Variants in GRIN2B observed in about 807,000 individuals in gnomAD.
GRIN2B encodes the protein glutamate ionotropic receptor NMDA type subunit 2B.
GRIN2B carries 5 observed loss-of-function variants against 114.5 expected under a neutral mutation model. The observed-to-expected ratio is 0.04, with a 90% confidence interval of 0.02 to 0.09. GRIN2B has a LOEUF of 0.09. Among genes scored for constraint, GRIN2B ranks in the 10% least tolerant of loss-of-function variants. The probability of loss-of-function intolerance (pLI) is 1.00; values close to 1 mark genes in which losing one functional copy is unlikely to be tolerated. For synonymous variants in GRIN2B, 787 were observed against 745.1 expected (o/e 1.06, Z -0.92); for missense variants, 1,108 against 1,943.5 (o/e 0.57, Z 8.08).
At chr12:13,705,795 T>TA (rs2136573899) in intron 4 of GRIN2B, among the ~76,000 whole-genome samples, 1 of 152,258 alleles carries the variant, frequency 6.6e-6, no homozygotes, top group East Asian at 1.9e-4. Context: ...CTAAAGACAT[T>TA]AAAATAAACC....
At chr12:13,717,066 C>CGTGTGTGT (rs56360153) in intron 4 of GRIN2B, among the ~76,000 whole-genome samples, 17,136 of 145,866 alleles carry the variant, frequency 0.12, 1,192 homozygotes, top group Non-Finnish European at 0.16. Flanking sequence ...ATGCCATACG[C>CGTGTGTGT]GTGTGTGTGT....
intron 4 of GRIN2B, among the ~76,000 whole-genome samples, chr12:13,742,817 G>A (rs1478391524): frequency 1.3e-5 from 2 of 152,192 alleles, no homozygotes; most frequent in Non-Finnish European, 2.9e-5. Flanking sequence ...TGTTGCTAGT[G>A]TGGCCATTGA....
At chr12:13,958,025 T>C (rs1489047276) in intron 2 of GRIN2B, among the ~76,000 whole-genome samples, 2 of 152,210 alleles carry the variant, frequency 1.3e-5, no homozygotes, top group African/African-American at 4.8e-5. Context: ...GCTATCACAT[T>C]GGACAGTAAA....
intron 3 of GRIN2B, among the ~76,000 whole-genome samples, chr12:13,842,913 T>C (rs1865402085): frequency 7.9e-6 from 1 of 126,106 alleles, no homozygotes; most frequent in African/African-American, 3.3e-5. Flanking sequence ...GAAGATTGGT[T>C]TTTCTTTTTT....
Position 13,700,620 on chromosome 12 carries a change from C to T in GRIN2B, c.1011-24761G>A, listed in dbSNP as rs185437046. On this transcript the variant is annotated intron_variant, in intron 4 of 13. Transcript: ENST00000609686. Reference sequence around the variant, plus strand: ...GGAAGAGAATTGAGTCCTGGTGACTCCCAGGTGACAGCTAGTACCAGTCTA... The same window carrying T: ...GGAAGAGAATTGAGTCCTGGTGACTTCCAGGTGACAGCTAGTACCAGTCTA... 2.8e-4 allele frequency among the ~76,000 whole-genome samples: 42 copies of T among 152,252 alleles called. No homozygotes were observed. The East Asian group carries it at 3.5e-3, about 13-fold the overall frequency.
chr12:13,675,565 C>T (rs1280132064), intron 5 of GRIN2B, among the ~76,000 whole-genome samples, 180 bp downstream of exon 5: 2 of 152,052 alleles, frequency 1.3e-5, no homozygotes, highest in African/African-American at 4.8e-5. Flanking sequence ...CTTGATTAAC[C>T]AAAATAGCAA....
In GRIN2B at chr12:13,926,809, C is replaced by T. The variant is rs187579864; in HGVS notation, c.-19+53119G>A. Among the ~76,000 whole-genome samples the T allele has an allele frequency of 2.4e-3, 368 of 152,086 alleles. 1 individual carries two copies. The highest frequency in any genetic ancestry group is 4.5e-3 in the Admixed American group (69 of 15,272). On this transcript the variant is annotated intron_variant, in intron 2 of 13. Transcript: ENST00000609686. ...TCTACTAAAAATACAAAAAATTAGC[C>T]GGGTATGGTGGCAGGCGCCTGTAGT...
chr12:13,762,773 G>T (rs1863703708), intron 3 of GRIN2B, among the ~76,000 whole-genome samples: 1 of 152,176 alleles, frequency 6.6e-6, no homozygotes, highest in Non-Finnish European at 1.5e-5. Context: ...GAGAGACTAG[G>T]CATGGCTGAG....
intron 10 of GRIN2B, among the ~76,000 whole-genome samples, chr12:13,599,536 G>C (rs1949125400): frequency 6.6e-6 from 1 of 152,194 alleles, no homozygotes; most frequent in Non-Finnish European, 1.5e-5. Context: ...GTTCAGAAGT[G>C]AAACATTAAT....
chr12:13,656,774 T>C (rs544837860), intron 5 of GRIN2B, among the ~76,000 whole-genome samples: 9 of 152,306 alleles, frequency 5.9e-5, no homozygotes, highest in African/African-American at 1.4e-4. Context: ...AAATACGCCA[T>C]AGTCAGAACA....
intron 3 of GRIN2B, among the ~76,000 whole-genome samples, chr12:13,828,050 A>AT (rs913437959): frequency 2.0e-5 from 3 of 151,678 alleles, no homozygotes; most frequent in Non-Finnish European, 2.9e-5. Flanking sequence ...TGTTTCTACC[A>AT]TTTTTTTCTT....
At chr12:13,798,007 T>G (rs1232108250) in intron 3 of GRIN2B, among the ~76,000 whole-genome samples, 1 of 152,222 alleles carries the variant, frequency 6.6e-6, no homozygotes, top group East Asian at 1.9e-4. Context: ...AAGTCAATCT[T>G]TAAGTCACAA....
intron 2 of GRIN2B, among the ~76,000 whole-genome samples, chr12:13,921,642 A>G (rs1866826053): frequency 6.6e-6 from 1 of 152,040 alleles, no homozygotes; most frequent in South Asian, 2.1e-4. Flanking sequence ...GTACAGCAGT[A>G]TTGGGGAGGT....
intron 2 of GRIN2B, among the ~76,000 whole-genome samples, chr12:13,973,934 T>C (rs886387542): frequency 1.3e-5 from 2 of 152,270 alleles, no homozygotes; most frequent in African/African-American, 4.8e-5. Context: ...TGACTGAAGG[T>C]GTCTCCCCAG....
At chr12:13,785,948 G>T (rs116713148) in intron 3 of GRIN2B, among the ~76,000 whole-genome samples, 119 of 152,232 alleles carry the variant, frequency 7.8e-4, no homozygotes, top group African/African-American at 2.8e-3. Flanking sequence ...CATATTTATG[G>T]AAATAAACTA....
chr12:13,546,976 T>C lies in GRIN2B; in HGVS notation c.*15807A>G, dbSNP rs567243573. 5 of 152,286 alleles carry C rather than the reference T, an allele frequency of 3.3e-5. No individual in the cohort carries two copies. In the East Asian group the frequency reaches 9.7e-4, roughly 29 times the overall value. The allele number at this position is 152,286 out of a possible 1,614,324, so 9.4% of individuals were successfully genotyped here. On this transcript the variant is annotated 3_prime_UTR_variant, in exon 14 of 14. Coordinates refer to ENST00000609686, the MANE Select transcript of GRIN2B (RefSeq NM_000834.5). ...CACTATCCCAGCACTTGATCTTGAG[T>C]TGAAGCACTCAGGAACAAGACCTCA...
chr12:13,822,976 A>G (rs1665688135), intron 3 of GRIN2B, among the ~76,000 whole-genome samples: 2 of 152,042 alleles, frequency 1.3e-5, no homozygotes, highest in African/African-American at 4.8e-5. Context: ...TGGCATTTTT[A>G]TTGAAAACCA....
At chr12:13,778,711 T>C (rs1425078287) in intron 3 of GRIN2B, among the ~76,000 whole-genome samples, 1 of 152,198 alleles carries the variant, frequency 6.6e-6, no homozygotes, top group East Asian at 1.9e-4. Flanking sequence ...TGGCCAAAAA[T>C]CTTTTTCCAT....
At chr12:13,831,278 A>G (rs886458770) in intron 3 of GRIN2B, among the ~76,000 whole-genome samples, 3 of 152,106 alleles carry the variant, frequency 2.0e-5, no homozygotes, top group Admixed American at 1.3e-4. Flanking sequence ...AGCCTCAGGT[A>G]CTCCTTTATA....
Sources: allele counts gnomAD v4.1 joint callset (sites outside exome capture counted in the v4.1 genomes callset), GRCh38; gene constraint gnomAD v4.1.1; transcripts MANE v1.5; gene names NCBI Gene and HGNC (gene_info 2026-07-23, HGNC 2026-07-21).